The following NEK11 variants were observed in gnomAD, a reference collection of about 807,000 sequenced individuals.
NEK11 encodes NIMA related kinase 11.
Under a neutral mutation model 80.7 loss-of-function variants are expected in NEK11, and 72 were observed. That is an observed-to-expected ratio of 0.89 (90% CI 0.74 to 1.08). The LOEUF (loss-of-function observed/expected upper bound fraction) is 1.08. NEK11 is among the 50% of genes least tolerant of loss of function. The pLI is 0.00. For missense variants in NEK11, 764 were observed against 763.6 expected, an observed-to-expected ratio of 1.00 and a Z score of -0.01; for synonymous variants, 251 against 260.7, an observed-to-expected ratio of 0.96 and a Z score of 0.36.
intron 4 of NEK11, among the ~76,000 whole-genome samples, chr3:131,085,490 T>C (rs2075855834): frequency 6.6e-6 from 1 of 152,152 alleles, no homozygotes; most frequent in Middle Eastern, 3.2e-3. Context: ...GTATGTGTTA[T>C]GGGAAGGGTA....
intron 4 of NEK11, among the ~76,000 whole-genome samples, chr3:131,104,003 T>C (rs1181714669): frequency 1.3e-5 from 2 of 152,098 alleles, no homozygotes; most frequent in African/African-American, 2.4e-5. Flanking sequence ...CTATGGCTAA[T>C]TTGAGTGATC....
chr3:131,142,869 T>A (rs1202771408), intron 7 of NEK11, among the ~76,000 whole-genome samples: 2 of 152,166 alleles, frequency 1.3e-5, no homozygotes, highest in African/African-American at 4.8e-5. Flanking sequence ...TTTGATAATC[T>A]TCCTTGAAAC....
At chr3:131,043,303 A>G (rs1321315904) in intron 3 of NEK11, among the ~76,000 whole-genome samples, 1 of 152,184 alleles carries the variant, frequency 6.6e-6, no homozygotes, top group Admixed American at 6.5e-5. Context: ...GTGGATAATA[A>G]TGAACTCCTC....
chr3:131,227,831 A>G (rs1326038107), intron 14 of NEK11, among the ~76,000 whole-genome samples: 1 of 152,098 alleles, frequency 6.6e-6, no homozygotes, highest in Non-Finnish European at 1.5e-5. Context: ...ATAAACACCA[A>G]CTTTATTCTA....
intron 4 of NEK11, among the ~76,000 whole-genome samples, chr3:131,091,777 A>G (rs910759081): frequency 1.3e-5 from 2 of 152,210 alleles, no homozygotes; most frequent in African/African-American, 4.8e-5. Flanking sequence ...AAATTTACCA[A>G]AGTTTATTTG....
chr3:131,086,850 A>G (rs1032639315), intron 4 of NEK11, among the ~76,000 whole-genome samples: 9 of 152,204 alleles, frequency 5.9e-5, no homozygotes, highest in African/African-American at 1.9e-4. Context: ...TGATGATATG[A>G]TTATTTTCTC....
chr3:131,105,743 C>T (rs557797685), intron 4 of NEK11, among the ~76,000 whole-genome samples: 21 of 152,204 alleles, frequency 1.4e-4, no homozygotes, highest in Non-Finnish European at 2.5e-4. Flanking sequence ...TGGTCCCGCC[C>T]TTGACATGTG....
At chr3:131,083,582 T>C (rs1304392558) in intron 4 of NEK11, among the ~76,000 whole-genome samples, 2 of 152,208 alleles carry the variant, frequency 1.3e-5, no homozygotes, top group Admixed American at 6.5e-5. Flanking sequence ...GTATAGGAAA[T>C]GGCAGGTGAC....
chr3:131,224,731 A>G (rs1390429246), intron 14 of NEK11, among the ~76,000 whole-genome samples: 4 of 152,184 alleles, frequency 2.6e-5, no homozygotes, highest in African/African-American at 7.2e-5. Flanking sequence ...CAGTGGTATC[A>G]GTGATCCTGA....
chr3:131,318,453 T>C (rs1421767797), intron 17 of NEK11, among the ~76,000 whole-genome samples: 1 of 152,178 alleles, frequency 6.6e-6, no homozygotes, highest in East Asian at 1.9e-4. Context: ...TAAATACTTG[T>C]ATAAATGCAC....
intron 17 of NEK11, among the ~76,000 whole-genome samples, chr3:131,314,203 G>A (rs1245950765): frequency 1.3e-5 from 2 of 151,750 alleles, no homozygotes; most frequent in South Asian, 2.1e-4. Flanking sequence ...TTTGCACCAC[G>A]TTACTGTTTA....
At chr3:131,231,545 A>T (rs781586415) in intron 15 of NEK11, among the ~76,000 whole-genome samples, 1 of 151,288 alleles carries the variant, frequency 6.6e-6, no homozygotes, top group Non-Finnish European at 1.5e-5. Flanking sequence ...AAAATAGAGT[A>T]ATTTGTTTAG....
chr3:131,346,187 G>A (rs2097361014), intron 17 of NEK11, among the ~76,000 whole-genome samples: 1 of 152,084 alleles, frequency 6.6e-6, no homozygotes, highest in African/African-American at 2.4e-5. Flanking sequence ...GTAGATTTTA[G>A]CTGTTCTTGT....
intron 17 of NEK11, among the ~76,000 whole-genome samples, chr3:131,331,410 C>G (rs548396783): frequency 6.6e-6 from 1 of 152,152 alleles, no homozygotes; most frequent in African/African-American, 2.4e-5. Context: ...TTCCGGGTAT[C>G]CATTAAACCA....
intron 16 of NEK11, among the ~76,000 whole-genome samples, chr3:131,250,467 A>G (rs1295078902): frequency 1.3e-5 from 2 of 152,118 alleles, no homozygotes; most frequent in Non-Finnish European, 1.5e-5. Context: ...GCAGGCATCC[A>G]ATATCAAAAA....
At chr3:131,133,635 T>TCC (rs200292188) in intron 6 of NEK11, among the ~76,000 whole-genome samples, 195 bp from the exon 7 acceptor site, 1 of 50,008 alleles carries the variant, frequency 2.0e-5, no homozygotes, top group Non-Finnish European at 4.0e-5. Context: ...AAAGTCTTCC[T>TCC]TCTATAAAAC....
intron 17 of NEK11, among the ~76,000 whole-genome samples, chr3:131,343,215 G>A (rs1393636009): frequency 1.3e-5 from 2 of 152,150 alleles, no homozygotes; most frequent in East Asian, 3.9e-4. Flanking sequence ...ACCCTAACAG[G>A]AATGATCTAG....
chr3:131,205,351 G>T (rs1388935060), intron 14 of NEK11, among the ~76,000 whole-genome samples: 1 of 152,176 alleles, frequency 6.6e-6, no homozygotes, highest in East Asian at 1.9e-4. Context: ...ATTCTCAGTG[G>T]AGGCATGTAG....
chr3:131,226,159 A>G (rs1166437334), intron 14 of NEK11, among the ~76,000 whole-genome samples: 1 of 152,170 alleles, frequency 6.6e-6, no homozygotes, highest in African/African-American at 2.4e-5. Context: ...GGGAGAGTTG[A>G]GGGTGGGCAA....
Sources: gnomAD v4.1 joint callset for allele counts (sites outside exome capture counted in the v4.1 genomes callset) on GRCh38, gnomAD v4.1.1 for gene constraint, MANE v1.5 for transcripts, NCBI Gene and HGNC (gene_info 2026-07-23, HGNC 2026-07-21) for gene names.